Variants in PAPPA2 observed in about 807,000 individuals in gnomAD.
PAPPA2 encodes the protein pappalysin-2.
A neutral mutation model predicts 176.4 loss-of-function variants in PAPPA2; 86 were observed. The observed-to-expected ratio is 0.49, with a 90% CI of 0.41 to 0.58. The LOEUF (loss-of-function observed/expected upper bound fraction) is 0.58, where lower values mean the gene tolerates loss of function less well. Ranked by LOEUF, PAPPA2 falls within the 20% of genes least tolerant of loss-of-function variation. The probability of loss-of-function intolerance (pLI) is 0.00; values close to 1 mark genes in which losing one functional copy is unlikely to be tolerated. For synonymous variants in PAPPA2, 809 were observed against 852.2 expected (o/e 0.95, Z 0.88); for missense variants, 2,073 against 2,256.9 (o/e 0.92, Z 1.65).
At chr1:176,539,070 G>A (rs1283103761) in intron 1 of PAPPA2, among the ~76,000 whole-genome samples, 1 of 152,150 alleles carries the variant, frequency 6.6e-6, no homozygotes, top group African/African-American at 2.4e-5. Context: ...AGTTTAATAG[G>A]TGCTAAGTAA....
intron 3 of PAPPA2, among the ~76,000 whole-genome samples, chr1:176,655,643 GAC>G (rs1353893800): frequency 6.6e-6 from 1 of 151,834 alleles, no homozygotes; most frequent in Non-Finnish European, 1.5e-5. Flanking sequence ...TGTACACATG[GAC>G]ACAGAGTGTG....
intron 14 of PAPPA2, among the ~76,000 whole-genome samples, chr1:176,755,336 C>CT (rs1438331474): frequency 6.6e-6 from 1 of 152,172 alleles, no homozygotes; most frequent in African/African-American, 2.4e-5. Context: ...ATCCTTAAGA[C>CT]TTCCATTTAG....
chr1:176,473,789 T>A (rs193086355), intron 1 of PAPPA2, among the ~76,000 whole-genome samples: 1 of 152,370 alleles, frequency 6.6e-6, no homozygotes, highest in East Asian at 1.9e-4. Context: ...ATATATGATG[T>A]TGAACGTCTT....
intron 17 of PAPPA2, among the ~76,000 whole-genome samples, chr1:176,780,256 A>G (rs1402069385): frequency 6.6e-6 from 1 of 152,180 alleles, no homozygotes; most frequent in African/African-American, 2.4e-5. Context: ...CAGAAATATA[A>G]CAATACCTGG....
chr1:176,739,569 C>T, intron 12 of PAPPA2, 57 bp from the exon 13 acceptor site: 2 of 1,537,960 alleles, frequency 1.3e-6, no homozygotes, highest in Non-Finnish European at 1.8e-6. Flanking sequence ...TTGTATAGCA[C>T]ATGTCTTGAT....
rs1230421729 is a variant in PAPPA2, at chr1:176,660,215, A to G, written c.1992-10755A>G. 2.6e-5 allele frequency among the ~76,000 whole-genome samples: 4 copies of G among 152,176 alleles called. No homozygotes were observed. The East Asian group carries it at 5.8e-4, about 22-fold the overall frequency. On this transcript the variant is annotated intron_variant, in intron 3 of 22. Coordinates refer to ENST00000367662, the MANE Select transcript of PAPPA2 (RefSeq NM_020318.3). ...GCCTAGGATTGCAGCCTAAGAGTCT[A>G]TACATTTTCCCCCAGGAGAGCCGTG...
Position 176,504,795 on chromosome 1 carries a change from T to G in PAPPA2, c.-917+41377T>G, listed in dbSNP as rs1648162463. On this transcript the variant is annotated intron_variant, in intron 1 of 22. Coordinates refer to ENST00000367662, the MANE Select transcript of PAPPA2 (RefSeq NM_020318.3). ...CAAGGCAAAAGTTGCAAGGGCCATC[T>G]CATGGTTTTCCATATCTCTTTTCCT... Among the ~76,000 whole-genome samples the G allele has an allele frequency of 3.9e-5, 6 of 152,166 alleles. No individual in the cohort carries two copies. In the South Asian group the frequency reaches 1.2e-3, roughly 31 times the overall value.
At chr1:176,656,529 T>C (rs1223704004) in intron 3 of PAPPA2, among the ~76,000 whole-genome samples, 2 of 151,794 alleles carry the variant, frequency 1.3e-5, no homozygotes, top group Non-Finnish European at 2.9e-5. Context: ...TCCACAGGCA[T>C]TACACCAGGT....
At chr1:176,685,162 T>C (rs1659778451) in intron 4 of PAPPA2, among the ~76,000 whole-genome samples, 1 of 152,112 alleles carries the variant, frequency 6.6e-6, no homozygotes, top group Admixed American at 6.6e-5. Context: ...ACTGCCAGAC[T>C]GCACATAGAA....
In PAPPA2 at chr1:176,714,480, C is replaced by T. The variant is rs567077040; in HGVS notation, c.3798+2499C>T. 9.8e-4 allele frequency among the ~76,000 whole-genome samples: 148 copies of T among 151,168 alleles called. 1 individual carries two copies. In the Middle Eastern group the frequency reaches 0.014, roughly 15 times the overall value. On this transcript the variant is annotated intron_variant, in intron 12 of 22. Coordinates refer to ENST00000367662, the MANE Select transcript of PAPPA2 (RefSeq NM_020318.3). ...AGGGCCCCTATCAGGTATTATTAAA[C>T]ACCCTCACCATATTAAACTTTTAAA...
At chr1:176,727,761 T>TATTC (rs1472890467) in intron 12 of PAPPA2, among the ~76,000 whole-genome samples, 3 of 152,012 alleles carry the variant, frequency 2.0e-5, no homozygotes, top group Non-Finnish European at 4.4e-5. Context: ...AACTGTAGAA[T>TATTC]GCTCATGGTA....
chr1:176,666,268 C>A (rs1192060739), intron 3 of PAPPA2, among the ~76,000 whole-genome samples: 3 of 151,932 alleles, frequency 2.0e-5, no homozygotes, highest in Non-Finnish European at 2.9e-5. Context: ...CAAGAGGTTC[C>A]AATAAGAGAA....
At position 176,635,411 on chromosome 1, in the gene PAPPA2, T is replaced by C. The variant is rs538944608; in HGVS notation, c.1992-35559T>C. On this transcript the variant is annotated intron_variant, in intron 3 of 22. Transcript: ENST00000367662. ...GCCAGTATTTGAAAACATTGCCCTA[T>C]ATCTACCCTCAAACATTCAGGGTAC... 2.6e-5 allele frequency among the ~76,000 whole-genome samples: 4 copies of C among 152,312 alleles called. 1 individual carries two copies. Among genetic ancestry groups the C allele is most frequent in the Admixed American group, 1.3e-4 (2 of 15,292 alleles).
rs894013652 is a variant in PAPPA2 at position 176,831,525 on chromosome 1, A to G, written c.5203-8648A>G. Among the ~76,000 whole-genome samples, 3 of 152,304 alleles carry G rather than the reference A, an allele frequency of 2.0e-5. No homozygotes were observed. The East Asian group carries it at 5.8e-4, about 29-fold the overall frequency. On this transcript the variant is annotated intron_variant, in intron 21 of 22. Transcript: ENST00000367662. ...TTTCCCATTTTCACCCTTTGGGACT[A>G]TAACTCCATCCACCAGCACTGCCCT...
chr1:176,565,504 G>A (rs1651914627), intron 2 of PAPPA2, among the ~76,000 whole-genome samples: 1 of 152,100 alleles, frequency 6.6e-6, no homozygotes, highest in African/African-American at 2.4e-5. Flanking sequence ...AGACCAGCCT[G>A]GGAAATATGA....
intron 14 of PAPPA2, among the ~76,000 whole-genome samples, chr1:176,743,568 C>A (rs1284590342): frequency 6.6e-6 from 1 of 152,194 alleles, no homozygotes; most frequent in Non-Finnish European, 1.5e-5. Context: ...AACCTCCAAC[C>A]ATCCCAGGAT....
chr1:176,769,769 C>A lies in PAPPA2; in HGVS notation c.4486C>A (p.Pro1496Thr). The change falls in exon 16 of 23, where the codon CCA (proline) becomes ACA (threonine). Residue 1496 changes from proline (P) to threonine (T), a missense_variant. Pro to Thr is a conservative substitution (Grantham distance 38, BLOSUM62 -1). Around this residue, in one of 4 missense-constraint regions of PAPPA2, gnomAD observed 846 missense variants for 857.9 expected, o/e 0.99. Coordinates refer to ENST00000367662, the MANE Select transcript of PAPPA2 (RefSeq NM_020318.3). ...LKRCSISCVP[P>T]AKLQGLSPWL... ...ACGCTGCTCAATCTCTTGTGTCCCA[C>A]CAGCCAAGCTGCAAGGTATTGTCTG... 2 of 1,607,388 alleles carry A rather than the reference C, an allele frequency of 1.2e-6. No individual in the cohort carries two copies. Among genetic ancestry groups the A allele is most frequent in the South Asian group, 1.1e-5 (1 of 89,588 alleles).
intron 19 of PAPPA2, among the ~76,000 whole-genome samples, 157 bp from the exon 20 acceptor site, chr1:176,793,403 C>G (rs1162451000): frequency 1.3e-5 from 2 of 152,128 alleles, no homozygotes; most frequent in African/African-American, 4.8e-5. Flanking sequence ...CCTACAGGAA[C>G]ACAGTAGATG....
chr1:176,657,859 C>T (rs910942694), intron 3 of PAPPA2, among the ~76,000 whole-genome samples: 1 of 151,940 alleles, frequency 6.6e-6, no homozygotes, highest in African/African-American at 2.4e-5. Context: ...GCATGGCTAA[C>T]ATCCTAATAG....
Sources: allele counts gnomAD v4.1 joint callset (sites outside exome capture counted in the v4.1 genomes callset), GRCh38; gene constraint gnomAD v4.1.1; regional missense constraint gnomAD v4.1.1; transcripts MANE v1.5; gene names NCBI Gene and HGNC (gene_info 2026-07-23, HGNC 2026-07-21).